Variants in DOCK1 observed in about 807,000 individuals in gnomAD.
DOCK1 encodes dedicator of cytokinesis protein 1.
A neutral mutation model predicts 262.7 loss-of-function variants in DOCK1; 138 were observed. The ratio of observed to expected loss-of-function variants is 0.53; its 90% CI spans 0.46 to 0.61. The LOEUF (loss-of-function observed/expected upper bound fraction) is 0.61, where lower values mean the gene tolerates loss of function less well. Ranked by LOEUF, DOCK1 falls within the 20% of genes least tolerant of loss-of-function variation. The pLI, the probability that DOCK1 is intolerant of heterozygous loss-of-function variation, is 0.00. For missense variants in DOCK1, 1,908 were observed against 2,370.7 expected, an observed-to-expected ratio of 0.80 and a Z score of 4.05; for synonymous variants, 866 against 867.4, an observed-to-expected ratio of 1.00 and a Z score of 0.03.
chr10:127,218,756 A>G (rs1215092174), intron 27 of DOCK1, among the ~76,000 whole-genome samples: 1 of 152,194 alleles, frequency 6.6e-6, no homozygotes. Context: ...TTGTGATGTT[A>G]TAACAAAATT....
intron 27 of DOCK1, among the ~76,000 whole-genome samples, chr10:127,233,764 A>T (rs182253294): frequency 6.6e-6 from 1 of 152,240 alleles, no homozygotes; most frequent in African/African-American, 2.4e-5. Flanking sequence ...TAAGAATTAT[A>T]AAAAATGTTG....
chr10:127,174,363 G>C (rs1042490818), intron 27 of DOCK1, among the ~76,000 whole-genome samples: 11 of 152,180 alleles, frequency 7.2e-5, no homozygotes, highest in African/African-American at 1.9e-4. Context: ...ACCCAGAGTA[G>C]AACAGGCTGC....
intron 21 of DOCK1, among the ~76,000 whole-genome samples, chr10:127,049,071 T>C (rs1334658503): frequency 6.6e-6 from 1 of 151,184 alleles, no homozygotes; most frequent in African/African-American, 2.4e-5. Context: ...GTTGATTTTG[T>C]ATATAAAAAG....
At chr10:127,219,065 G>A (rs1478940312) in intron 27 of DOCK1, among the ~76,000 whole-genome samples, 2 of 152,042 alleles carry the variant, frequency 1.3e-5, no homozygotes, top group African/African-American at 2.4e-5. Context: ...TTTTGGAGGG[G>A]GCACATTCAA....
chr10:127,294,323 T>A (rs1370900691), intron 29 of DOCK1, among the ~76,000 whole-genome samples: 2 of 152,114 alleles, frequency 1.3e-5, no homozygotes, highest in Non-Finnish European at 2.9e-5. Flanking sequence ...TTTGTTTTGT[T>A]TTTTGTTTTT....
At chr10:126,936,678 TA>T (rs1288162088) in intron 1 of DOCK1, among the ~76,000 whole-genome samples, 1 of 152,224 alleles carries the variant, frequency 6.6e-6, no homozygotes, top group Non-Finnish European at 1.5e-5. Context: ...AACATTAGTG[TA>T]AAATCAGAGA....
chr10:127,283,012 C>G (rs2061017572), intron 29 of DOCK1, among the ~76,000 whole-genome samples: 1 of 152,218 alleles, frequency 6.6e-6, no homozygotes. Context: ...GGCTGTCTGT[C>G]CTGAGAGTTT....
At chr10:127,091,357 T>G (rs566625896) in intron 23 of DOCK1, among the ~76,000 whole-genome samples, 1 of 152,348 alleles carries the variant, frequency 6.6e-6, no homozygotes, top group African/African-American at 2.4e-5. Context: ...TTGAGTTGAC[T>G]GAAGAAAGGA....
chr10:127,352,255 G>C, intron 31 of DOCK1, among the ~76,000 whole-genome samples: 1 of 79,578 alleles, frequency 1.3e-5, no homozygotes, highest in African/African-American at 5.7e-5. Flanking sequence ...GAGAAGTGGG[G>C]AGCATCGGGG....
intron 29 of DOCK1, among the ~76,000 whole-genome samples, chr10:127,330,706 C>G (rs952301233): frequency 6.6e-6 from 1 of 152,138 alleles, no homozygotes; most frequent in Non-Finnish European, 1.5e-5. Flanking sequence ...CAGCTTCTGC[C>G]AAGAGCAAGC....
At position 126,916,802 on chromosome 10, in the gene DOCK1, C is replaced by T. The variant is rs546494927; in HGVS notation, c.46+11239C>T. 4.6e-5 allele frequency among the ~76,000 whole-genome samples: 7 copies of T among 152,154 alleles called. No individual in the cohort carries two copies. The East Asian group carries it at 9.7e-4, about 21-fold the overall frequency. On this transcript the variant is annotated intron_variant, in intron 1 of 51. Coordinates refer to ENST00000623213, the MANE Select transcript of DOCK1 (RefSeq NM_001290223.2). Reference sequence around the variant, plus strand: ...CTTAGACATTGGTATCTGGAGCTGCCCTCATGGGGTTTATAGTCTGATACA... The same window carrying T: ...CTTAGACATTGGTATCTGGAGCTGCTCTCATGGGGTTTATAGTCTGATACA...
intron 38 of DOCK1, among the ~76,000 whole-genome samples, chr10:127,399,567 G>C (rs2067104122): frequency 8.0e-6 from 1 of 125,768 alleles, no homozygotes. Flanking sequence ...AGTCTGAGAA[G>C]ATATTTACTC....
rs71032535 is a variant in DOCK1 at position 127,070,250 on chromosome 10, C to CTTTTTT, written c.2445+8490_2445+8495dup. 1.3e-3 allele frequency among the ~76,000 whole-genome samples: 125 copies of CTTTTTT among 92,948 alleles called. 5 individuals carry two copies. The highest frequency in any genetic ancestry group is 1.9e-3 in the Non-Finnish European group (97 of 51,092). The allele number at this position is 92,948 out of a possible 152,430, so 61.0% of individuals were successfully genotyped here. On this transcript the variant is annotated intron_variant, in intron 23 of 51. Coordinates refer to ENST00000623213, the MANE Select transcript of DOCK1 (RefSeq NM_001290223.2). ...CAAGGGTTGGAACTTGAATTTAGCC[C>CTTTTTT]TTTTTTTTTTTTTTTTTTTTTGAGA...
intron 23 of DOCK1, among the ~76,000 whole-genome samples, chr10:127,087,267 C>G (rs541109966): frequency 7.0e-4 from 106 of 152,312 alleles, no homozygotes; most frequent in African/African-American, 2.4e-3. Flanking sequence ...TATAATTTTT[C>G]ATGCAGCAGA....
chr10:127,197,299 G>T (rs1195312181), intron 27 of DOCK1, among the ~76,000 whole-genome samples: 1 of 152,226 alleles, frequency 6.6e-6, no homozygotes, highest in Non-Finnish European at 1.5e-5. Context: ...CGCAGAGGCT[G>T]AGTTCCTTTG....
chr10:127,036,049 A>AAAC (rs2043592286), intron 18 of DOCK1, among the ~76,000 whole-genome samples: 3 of 152,076 alleles, frequency 2.0e-5, no homozygotes, highest in African/African-American at 7.2e-5. Flanking sequence ...TAAATAAAAA[A>AAAC]GAGTAGAGTG....
intron 26 of DOCK1, 99 bp downstream of exon 26, chr10:127,125,700 T>G (rs2049908292): frequency 4.7e-6 from 7 of 1,499,506 alleles, no homozygotes; most frequent in East Asian, 2.4e-5. Flanking sequence ...AGGTCTTGAT[T>G]TTAAGGTCTA....
At chr10:127,121,374 G>A (rs1176337052) in intron 25 of DOCK1, among the ~76,000 whole-genome samples, 1 of 151,854 alleles carries the variant, frequency 6.6e-6, no homozygotes, top group Non-Finnish European at 1.5e-5. Context: ...GTTGTCCATA[G>A]GAAGATAGGA....
At chr10:127,184,242 TTAG>T (rs1257009435) in intron 27 of DOCK1, among the ~76,000 whole-genome samples, 5 of 152,146 alleles carry the variant, frequency 3.3e-5, no homozygotes, top group Non-Finnish European at 7.4e-5. Context: ...CATCTCCAAC[TTAG>T]TAGATTCTGT....
Sources: allele counts gnomAD v4.1 joint callset (sites outside exome capture counted in the v4.1 genomes callset), GRCh38; gene constraint gnomAD v4.1.1; transcripts MANE v1.5; gene names NCBI Gene and HGNC (gene_info 2026-07-23, HGNC 2026-07-21).